Variants in MRAP2 observed in about 807,000 individuals in gnomAD.
MRAP2 encodes the protein melanocortin 2 receptor accessory protein 2.
MRAP2 carries 20 observed loss-of-function variants against 17.4 expected under a neutral mutation model. The ratio of observed to expected loss-of-function variants is 1.15; its 90% CI spans 0.81 to 1.67. MRAP2 has a LOEUF of 1.67. Among genes scored for constraint, MRAP2 ranks in the 40% most tolerant of loss-of-function variants. The pLI is 0.00. For synonymous variants in MRAP2, 96 were observed against 88.4 expected, an observed-to-expected ratio of 1.09 and a Z score of -0.48; for missense variants, 238 against 240.0, an observed-to-expected ratio of 0.99 and a Z score of 0.05.
At chr6:84,079,660 AATG>A (rs1435911603) in intron 3 of MRAP2, among the ~76,000 whole-genome samples, 1 of 152,160 alleles carries the variant, frequency 6.6e-6, no homozygotes, top group Non-Finnish European at 1.5e-5. Flanking sequence ...TCTGAAAGAA[AATG>A]ATATTTATTT....
At chr6:84,064,160 C>A (rs1274642564) in intron 3 of MRAP2, among the ~76,000 whole-genome samples, 1 of 151,420 alleles carries the variant, frequency 6.6e-6, no homozygotes, top group Non-Finnish European at 1.5e-5. Flanking sequence ...CACTGAGGAG[C>A]AGCCATCCTA....
intron 2 of MRAP2, among the ~76,000 whole-genome samples, chr6:84,060,784 C>T (rs1304006835): frequency 6.6e-6 from 1 of 151,158 alleles, no homozygotes; most frequent in Non-Finnish European, 1.5e-5. Context: ...CTGCCGGGTT[C>T]ACGCCATTCT....
chr6:84,064,769 G>C (rs578181247), intron 3 of MRAP2, among the ~76,000 whole-genome samples: 5 of 152,274 alleles, frequency 3.3e-5, no homozygotes, highest in Admixed American at 1.3e-4. Context: ...TTACAGGCGT[G>C]AGCCACCGCG....
the MRAP2 span, among the ~76,000 whole-genome samples, chr6:84,105,816 A>G: frequency 6.6e-6 from 1 of 152,000 alleles, no homozygotes; most frequent in Admixed American, 6.6e-5. Context: ...CAATGAAATC[A>G]TTGTTTTATC....
the MRAP2 span, among the ~76,000 whole-genome samples, chr6:84,122,373 A>AC: frequency 6.6e-6 from 1 of 150,786 alleles, no homozygotes; most frequent in Admixed American, 6.6e-5. Flanking sequence ...AAAAAAAAAA[A>AC]AAAGCATCAT....
chr6:84,055,244 A>C, intron 1 of MRAP2, 68 bp from the exon 2 acceptor site: 1 of 1,538,544 alleles, frequency 6.5e-7, no homozygotes, highest in Non-Finnish European at 8.7e-7. Context: ...GATCAAGAGT[A>C]ATTAAGGTAA....
intron 1 of MRAP2, among the ~76,000 whole-genome samples, chr6:84,044,627 T>C (rs928749887): frequency 9.2e-5 from 14 of 152,268 alleles, no homozygotes; most frequent in South Asian, 2.1e-4. Context: ...TGGGCTCCCC[T>C]GATGCCTTTC....
intron 3 of MRAP2, among the ~76,000 whole-genome samples, chr6:84,083,740 CAATTT>C (rs1332005130): frequency 6.6e-6 from 1 of 152,140 alleles, no homozygotes; most frequent in East Asian, 1.9e-4. Flanking sequence ...TTACAGTACT[CAATTT>C]AAGTGCTTTT....
intron 1 of MRAP2, among the ~76,000 whole-genome samples, chr6:84,044,098 C>T (rs764010301): frequency 7.2e-5 from 11 of 152,194 alleles, no homozygotes; most frequent in Non-Finnish European, 1.3e-4. Flanking sequence ...ATTGTTTTCT[C>T]CAAATTAGTT....
chr6:84,035,383 C>T, intron 1 of MRAP2: 1 of 978,968 alleles, frequency 1.0e-6, no homozygotes, highest in African/African-American at 1.7e-5. Flanking sequence ...TTTACAAATA[C>T]TTACGCCAAA....
At chr6:84,113,928 A>G in the MRAP2 span, among the ~76,000 whole-genome samples, 1 of 152,284 alleles carries the variant, frequency 6.6e-6, no homozygotes, top group South Asian at 2.1e-4. Context: ...TCTGGCTTGT[A>G]GGGTTTCTGC....
chr6:84,046,604 A>G (rs1412789086), intron 1 of MRAP2, among the ~76,000 whole-genome samples: 1 of 151,870 alleles, frequency 6.6e-6, no homozygotes, highest in Non-Finnish European at 1.5e-5. Flanking sequence ...ACATGGTGAA[A>G]CCCCATCTCT....
the MRAP2 span, among the ~76,000 whole-genome samples, chr6:84,122,810 G>A: frequency 2.6e-5 from 4 of 152,206 alleles, no homozygotes; most frequent in African/African-American, 7.2e-5. Context: ...CTGATGACAC[G>A]ATTGTATACC....
the MRAP2 span, among the ~76,000 whole-genome samples, chr6:84,128,800 G>A: frequency 6.6e-5 from 10 of 151,992 alleles, no homozygotes; most frequent in East Asian, 1.9e-4. Context: ...CCATCAACCC[G>A]TCATCTACAT....
At chr6:84,062,477 C>A (rs2099493409) in intron 2 of MRAP2, 12 of 922,836 alleles carry the variant, frequency 1.3e-5, no homozygotes, top group Non-Finnish European at 1.6e-5. Context: ...CAGTTAATAT[C>A]TGTTAAATTT....
At chr6:84,118,670 A>G in the MRAP2 span, among the ~76,000 whole-genome samples, 1 of 152,182 alleles carries the variant, frequency 6.6e-6, no homozygotes, top group Non-Finnish European at 1.5e-5. Flanking sequence ...ATCCCTTCTC[A>G]GGCAGGCTCT....
the MRAP2 span, among the ~76,000 whole-genome samples, chr6:84,111,941 C>G: frequency 2.6e-5 from 4 of 152,074 alleles, no homozygotes; most frequent in Admixed American, 2.0e-4. Context: ...GCCTTGCATC[C>G]CAGGGATGAA....
the MRAP2 span, among the ~76,000 whole-genome samples, chr6:84,122,120 C>T: frequency 1.3e-5 from 2 of 151,972 alleles, no homozygotes; most frequent in Non-Finnish European, 2.9e-5. Context: ...GGATTCACAG[C>T]GAAATTCTAC....
intron 3 of MRAP2, among the ~76,000 whole-genome samples, chr6:84,073,870 T>TTGTG (rs746999407): frequency 6.1e-5 from 9 of 148,256 alleles, no homozygotes; most frequent in African/African-American, 2.1e-4. Flanking sequence ...TATGAGATAT[T>TTGTG]TGTGTGTGTG....
Sources: gnomAD v4.1 joint callset for allele counts (sites outside exome capture counted in the v4.1 genomes callset) on GRCh38, gnomAD v4.1.1 for gene constraint, MANE v1.5 for transcripts, NCBI Gene and HGNC (gene_info 2026-07-23, HGNC 2026-07-21) for gene names.